Variants in STK33 observed in about 807,000 individuals in gnomAD.
STK33 encodes the protein serine/threonine kinase 33, also known as serine/threonine-protein kinase 33.
STK33 carries 52 observed loss-of-function variants against 58.0 expected under a neutral mutation model. That is an observed-to-expected ratio of 0.90 (90% CI 0.72 to 1.13). The LOEUF is 1.13. Ranked by LOEUF, STK33 falls within the 50% of genes most tolerant of loss-of-function variation. The pLI is 0.00. For synonymous variants in STK33, 215 were observed against 200.1 expected (o/e 1.07, Z -0.63); for missense variants, 630 against 604.2 (o/e 1.04, Z -0.45).
the STK33 span, among the ~76,000 whole-genome samples, chr11:8,362,651 C>T: frequency 1.1e-4 from 16 of 152,280 alleles, no homozygotes; most frequent in African/African-American, 3.6e-4. Flanking sequence ...TAGGGAGGCA[C>T]GTCACTGGCT....
chr11:8,358,373 C>T, the STK33 span, among the ~76,000 whole-genome samples: 456 of 152,330 alleles, frequency 3.0e-3, 1 homozygote, highest in Non-Finnish European at 5.0e-3. Context: ...CAGCTCAGTC[C>T]GCCTCCAATG....
chr11:8,436,033 C>A lies in STK33; in HGVS notation c.1054G>T (p.Asp352Tyr). Residue 352 changes from aspartate (D) to tyrosine (Y), a missense_variant, in exon 13 of 16, where the codon GAC (aspartate) becomes TAC (tyrosine). Coordinates refer to ENST00000687296, the MANE Select transcript of STK33 (RefSeq NM_001352389.2). ...FENAVWNSIS[D>Y]CAKSVLKQLM... ...ATAACGCATCTATACTTACCACAGTCACTTATGGAATTCCAGACTGCATTT... is the reference window on the plus strand; with the variant it reads ...ATAACGCATCTATACTTACCACAGTAACTTATGGAATTCCAGACTGCATTT... The A allele has an allele frequency of 6.4e-7, 1 of 1,565,508 alleles. No individual in the cohort carries two copies. The highest frequency in any genetic ancestry group is 8.7e-7 in the Non-Finnish European group (1 of 1,155,468).
At chr11:8,471,904 T>C (rs570792286) in intron 6 of STK33, among the ~76,000 whole-genome samples, 11 of 152,302 alleles carry the variant, frequency 7.2e-5, no homozygotes, top group Admixed American at 2.6e-4. Flanking sequence ...ATAAAAGCTC[T>C]TAAGACTAAA....
chr11:8,552,243 C>T (rs1411981178), intron 1 of STK33, among the ~76,000 whole-genome samples: 1 of 152,212 alleles, frequency 6.6e-6, no homozygotes, highest in Non-Finnish European at 1.5e-5. Context: ...TTTCTCTTAC[C>T]AGTCATGGCT....
Position 8,435,590 on chromosome 11 carries a change from G to GA in STK33, c.1061-12dup, listed in dbSNP as rs1564953404. 8 of 1,447,342 alleles carry GA rather than the reference G, an allele frequency of 5.5e-6. No homozygotes were observed. The highest frequency in any genetic ancestry group is 2.9e-5 in the African/African-American group (2 of 70,138). The allele number at this position is 1,447,342 out of a possible 1,614,324, so 89.7% of individuals were successfully genotyped here. On this transcript the variant is annotated splice_polypyrimidine_tract_variant and intron_variant, in intron 13 of 15. Coordinates refer to ENST00000687296, the MANE Select transcript of STK33 (RefSeq NM_001352389.2). The stretch of plus-strand genomic sequence containing the variant: ...TCAAAACACTTTTAGCTAAAAATAA[G>GA]AAAAAAATCCTGAAAAATCTTATTT...
rs1848661315 is a variant in STK33, at chr11:8,392,111, A to C, written c.*399T>G. On this transcript the variant is annotated 3_prime_UTR_variant, in exon 16 of 16. Coordinates refer to ENST00000687296, the MANE Select transcript of STK33 (RefSeq NM_001352389.2). ...AGTCTTCTAGTGCAAAGTGCACATA[A>C]TTATTTGGCACCTCCATTACTATAT... The C allele has an allele frequency of 5.1e-6, 1 of 195,120 alleles. No individual in the cohort carries two copies. Among genetic ancestry groups the C allele is most frequent in the Admixed American group, 5.3e-5 (1 of 18,922 alleles). The allele number at this position is 195,120 out of a possible 1,614,324, so 12.1% of individuals were successfully genotyped here. A position where few individuals can be genotyped will look rare whatever the true frequency, so the allele number is the denominator to read the frequency against.
At chr11:8,519,150 C>A (rs1403689825) in intron 1 of STK33, among the ~76,000 whole-genome samples, 7 of 152,240 alleles carry the variant, frequency 4.6e-5, no homozygotes, top group South Asian at 2.1e-4. Flanking sequence ...TCTCTCAGAC[C>A]ACAGTGCAAA....
chr11:8,398,822 C>T (rs1433488348), intron 15 of STK33, among the ~76,000 whole-genome samples: 1 of 151,740 alleles, frequency 6.6e-6, no homozygotes, highest in African/African-American at 2.4e-5. Flanking sequence ...CAATCCTAGT[C>T]TCTGATAAAA....
At chr11:8,349,942 G>T in the STK33 span, among the ~76,000 whole-genome samples, 1 of 152,244 alleles carries the variant, frequency 6.6e-6, no homozygotes, top group Admixed American at 6.5e-5. Flanking sequence ...AGAGGGCTCT[G>T]CCCTGAGACA....
At chr11:8,408,350 G>C (rs546234586) in intron 15 of STK33, among the ~76,000 whole-genome samples, 8 of 152,210 alleles carry the variant, frequency 5.3e-5, no homozygotes, top group African/African-American at 1.9e-4. Flanking sequence ...GCAAAAGTCA[G>C]GCTTGGGAAG....
At chr11:8,501,280 C>A (rs1951495897) in intron 1 of STK33, among the ~76,000 whole-genome samples, 1 of 151,962 alleles carries the variant, frequency 6.6e-6, no homozygotes. Context: ...AAAATATTTG[C>A]AAATCATATA....
At position 8,474,866 on chromosome 11, in the gene STK33, G is replaced by A; in HGVS notation, c.40C>T (p.Pro14Ser). ...SGLDKKSTKC[P>S]DCSSASQKDV... ...TTCTGAGAAGCAGATGAACAGTCGG[G>A]GCATTTTGTGGATTTTTTATCTAAG... The change falls in exon 5 of 16, where the codon CCC becomes TCC. Residue 14 changes from proline to serine, a missense_variant. By Grantham distance (74) the Pro-to-Ser change is moderately conservative (BLOSUM62 -1). Coordinates refer to ENST00000687296, the MANE Select transcript of STK33 (RefSeq NM_001352389.2). 1 of 1,593,096 alleles carries A rather than the reference G, an allele frequency of 6.3e-7. No individual in the cohort carries two copies. Among genetic ancestry groups the A allele is most frequent in the Non-Finnish European group, 8.5e-7 (1 of 1,170,874 alleles).
At chr11:8,512,014 T>G (rs916716929) in intron 1 of STK33, among the ~76,000 whole-genome samples, 10 of 152,198 alleles carry the variant, frequency 6.6e-5, no homozygotes, top group Non-Finnish European at 1.2e-4. Flanking sequence ...GGATTAAATG[T>G]GCAAATGATT....
chr11:8,412,044 T>C (rs2135598049), intron 15 of STK33, among the ~76,000 whole-genome samples: 1 of 152,296 alleles, frequency 6.6e-6, no homozygotes, highest in South Asian at 2.1e-4. Flanking sequence ...GCATATTTTA[T>C]GTTAGATGCA....
intron 1 of STK33, among the ~76,000 whole-genome samples, chr11:8,526,107 A>C (rs947451109): frequency 9.9e-5 from 15 of 152,162 alleles, no homozygotes; most frequent in Admixed American, 6.5e-5. Flanking sequence ...CTACTTAAGA[A>C]AGTTATTTAG....
chr11:8,480,301 C>G (rs949386122), intron 2 of STK33, among the ~76,000 whole-genome samples, 109 bp downstream of exon 2: 1 of 152,118 alleles, frequency 6.6e-6, no homozygotes, highest in Non-Finnish European at 1.5e-5. Context: ...CAGACTAGGA[C>G]GTATTGAGGT....
intron 1 of STK33, among the ~76,000 whole-genome samples, chr11:8,542,440 T>G (rs1357310885): frequency 6.6e-6 from 1 of 152,216 alleles, no homozygotes; most frequent in East Asian, 1.9e-4. Context: ...GAAGTGATTT[T>G]GCCTCCCGGG....
At chr11:8,507,138 AAG>A (rs1951921164) in intron 1 of STK33, among the ~76,000 whole-genome samples, 1 of 152,170 alleles carries the variant, frequency 6.6e-6, no homozygotes, top group African/African-American at 2.4e-5. Flanking sequence ...AATACAAAAA[AAG>A]ATGACGCAAG....
chr11:8,540,008 G>A (rs1048029911), intron 1 of STK33, among the ~76,000 whole-genome samples: 33 of 152,018 alleles, frequency 2.2e-4, no homozygotes, highest in East Asian at 1.7e-3. Context: ...GGAGGTTCCC[G>A]AAAAAATTAA....
Sources: gnomAD v4.1 joint callset for allele counts (sites outside exome capture counted in the v4.1 genomes callset) on GRCh38, gnomAD v4.1.1 for gene constraint, MANE v1.5 for transcripts, NCBI Gene and HGNC (gene_info 2026-07-23, HGNC 2026-07-21) for gene names.